Variants in METTL24 observed in about 807,000 individuals in gnomAD.
METTL24 encodes the protein methyltransferase like 24.
A neutral mutation model predicts 32.7 loss-of-function variants in METTL24; 29 were observed. The observed-to-expected ratio is 0.89, with a 90% CI of 0.66 to 1.21. The LOEUF (loss-of-function observed/expected upper bound fraction) is 1.21, where lower values mean the gene tolerates loss of function less well. Ranked by LOEUF, METTL24 falls within the 50% of genes most tolerant of loss-of-function variation. The pLI is 0.00. For missense variants in METTL24, 439 were observed against 468.1 expected (o/e 0.94, Z 0.57); for synonymous variants, 163 against 179.5 (o/e 0.91, Z 0.73).
chr6:110,284,064 C>G (rs1248006320), intron 4 of METTL24, among the ~76,000 whole-genome samples: 3 of 152,186 alleles, frequency 2.0e-5, no homozygotes, highest in Non-Finnish European at 2.9e-5. Context: ...CATGCTACAA[C>G]CCCAATGAAC....
intron 4 of METTL24, among the ~76,000 whole-genome samples, chr6:110,286,785 T>C (rs1771229385): frequency 6.6e-6 from 1 of 152,104 alleles, no homozygotes. Flanking sequence ...CCACCCTTAA[T>C]CCGAGTGGGC....
Position 110,358,088 on chromosome 6 carries a change from G to T in METTL24, c.185C>A (p.Pro62Gln). The T allele has an allele frequency of 2.0e-6, 2 of 998,572 alleles. No homozygotes were observed. The highest frequency in any genetic ancestry group is 2.4e-6 in the Non-Finnish European group (2 of 840,348). The allele number at this position is 998,572 out of a possible 1,614,324, so 61.9% of individuals were successfully genotyped here. Reference sequence around the variant, plus strand: ...CCTGCTGGCGCCGCGCGGCTGGCCCGGCGCGGGCGGCAGGTGCGGCCCAGG... The same window carrying T: ...CCTGCTGGCGCCGCGCGGCTGGCCCTGCGCGGGCGGCAGGTGCGGCCCAGG... The part of the protein sequence containing the change: ...RPPGPHLPPA[P>Q]GQPRGASRRQ... The change falls in exon 1 of 5, where the codon CCG (proline) becomes CAG (glutamine). Residue 62 changes from proline (P) to glutamine (Q), a missense_variant. Coordinates refer to ENST00000338882, the MANE Select transcript of METTL24 (RefSeq NM_001123364.3).
intron 1 of METTL24, among the ~76,000 whole-genome samples, chr6:110,351,033 G>A (rs143440145): frequency 0.043 from 6,549 of 151,934 alleles, 478 homozygotes; most frequent in African/African-American, 0.15. Context: ...ACTTGAACCC[G>A]GGAGGCGGAG....
At chr6:110,273,155 G>C (rs1381223939) in intron 4 of METTL24, among the ~76,000 whole-genome samples, 5 of 152,078 alleles carry the variant, frequency 3.3e-5, no homozygotes, top group African/African-American at 1.2e-4. Context: ...GGTGAGAGAT[G>C]AGGATCCAGT....
intron 4 of METTL24, among the ~76,000 whole-genome samples, chr6:110,258,821 CAA>C (rs1778434071): frequency 6.8e-6 from 1 of 146,294 alleles, no homozygotes; most frequent in South Asian, 2.2e-4. Flanking sequence ...CACACACACA[CAA>C]CAAAACAAAA....
intron 1 of METTL24, among the ~76,000 whole-genome samples, chr6:110,351,742 G>C (rs533204986): frequency 6.6e-6 from 1 of 152,206 alleles, no homozygotes; most frequent in Admixed American, 6.5e-5. Context: ...GGCCTGAGCC[G>C]GCTGGTCCAG....
At chr6:110,298,793 G>A in intron 4 of METTL24, 129 bp downstream of exon 4, 2 of 728,442 alleles carry the variant, frequency 2.7e-6, no homozygotes, top group Non-Finnish European at 4.6e-6. Context: ...AATAATGTTG[G>A]GTGATTAGTA....
chr6:110,321,341 C>T (rs755050665), intron 2 of METTL24, among the ~76,000 whole-genome samples: 8 of 152,214 alleles, frequency 5.3e-5, no homozygotes, highest in Non-Finnish European at 8.8e-5. Context: ...GCCTCAATAG[C>T]TTCTTCTAAG....
intron 4 of METTL24, among the ~76,000 whole-genome samples, chr6:110,275,924 C>T (rs1304345175): frequency 1.3e-5 from 2 of 152,268 alleles, no homozygotes; most frequent in Non-Finnish European, 2.9e-5. Flanking sequence ...GCAAAGAAGG[C>T]AAATGATCCC....
intron 2 of METTL24, among the ~76,000 whole-genome samples, chr6:110,316,527 G>A (rs932735724): frequency 2.0e-5 from 3 of 152,226 alleles, no homozygotes; most frequent in African/African-American, 7.2e-5. Flanking sequence ...GACCGCTCCA[G>A]ATGCAAAGAA....
chr6:110,318,574 C>T (rs930207017), intron 2 of METTL24, among the ~76,000 whole-genome samples: 1 of 149,326 alleles, frequency 6.7e-6, no homozygotes, highest in Non-Finnish European at 1.5e-5. Context: ...TTGCTTGAAA[C>T]CGGGAGGGCG....
chr6:110,274,943 C>T (rs1027462552), intron 4 of METTL24, among the ~76,000 whole-genome samples: 12 of 151,286 alleles, frequency 7.9e-5, no homozygotes, highest in Admixed American at 3.3e-4. Context: ...AGACTACAGG[C>T]GCACATCACC....
intron 4 of METTL24, among the ~76,000 whole-genome samples, chr6:110,280,572 T>C (rs1771119956): frequency 6.6e-6 from 1 of 152,076 alleles, no homozygotes; most frequent in African/African-American, 2.4e-5. Flanking sequence ...GACTATAAAA[T>C]AGTATATATG....
intron 4 of METTL24, among the ~76,000 whole-genome samples, chr6:110,295,790 A>AAGGAAGG (rs1562228476): frequency 3.2e-5 from 3 of 94,414 alleles, no homozygotes; most frequent in African/African-American, 2.1e-4. Flanking sequence ...GAAAAGAAAG[A>AAGGAAGG]AAGAAAGGAA....
intron 1 of METTL24, among the ~76,000 whole-genome samples, chr6:110,326,893 G>A (rs1227044728): frequency 2.0e-5 from 3 of 152,224 alleles, no homozygotes; most frequent in Non-Finnish European, 4.4e-5. Context: ...CCGGGGTGGA[G>A]CAGGGTGGAG....
intron 4 of METTL24, among the ~76,000 whole-genome samples, chr6:110,294,236 C>T (rs755519192): frequency 5.9e-5 from 9 of 151,568 alleles, no homozygotes; most frequent in Non-Finnish European, 1.0e-4. Flanking sequence ...AAATATGTGA[C>T]GGTTCATTAT....
intron 4 of METTL24, 121 bp from the exon 5 acceptor site, chr6:110,246,381 G>T: frequency 1.2e-6 from 1 of 810,258 alleles, no homozygotes; most frequent in Non-Finnish European, 1.9e-6. Context: ...GCTGAGGGTG[G>T]TTTTCAAGTG....
At chr6:110,301,803 C>A (rs1296897661) in intron 3 of METTL24, among the ~76,000 whole-genome samples, 1 of 152,160 alleles carries the variant, frequency 6.6e-6, no homozygotes, top group Non-Finnish European at 1.5e-5. Flanking sequence ...TCAAGAGTTG[C>A]AGTTGAAACT....
At chr6:110,309,102 C>A (rs1262173544) in intron 3 of METTL24, among the ~76,000 whole-genome samples, 1 of 152,086 alleles carries the variant, frequency 6.6e-6, no homozygotes, top group East Asian at 1.9e-4. Context: ...AATTGTATGG[C>A]ATGTGAAATA....
Sources: allele counts gnomAD v4.1 joint callset (sites outside exome capture counted in the v4.1 genomes callset), GRCh38; gene constraint gnomAD v4.1.1; transcripts MANE v1.5; gene names NCBI Gene and HGNC (gene_info 2026-07-23, HGNC 2026-07-21).